RAD51B: variants seen among roughly 807,000 people sequenced by gnomAD.
RAD51B encodes the protein RAD51 paralog B.
In RAD51B, 38 loss-of-function variants were observed where a neutral mutation model predicts 42.2. That is an observed-to-expected ratio of 0.90 (90% CI 0.70 to 1.18). The LOEUF (loss-of-function observed/expected upper bound fraction) is 1.18. Among genes scored for constraint, RAD51B ranks in the 50% most tolerant of loss-of-function variants. The probability of loss-of-function intolerance (pLI) is 0.00; values close to 1 mark genes in which losing one functional copy is unlikely to be tolerated. For synonymous variants in RAD51B, 154 were observed against 145.2 expected (o/e 1.06, Z -0.43); for missense variants, 373 against 400.7 (o/e 0.93, Z 0.59).
chr14:68,126,365 TCAG>T (rs2077760139), intron 7 of RAD51B, among the ~76,000 whole-genome samples: 1 of 152,210 alleles, frequency 6.6e-6, no homozygotes, highest in Non-Finnish European at 1.5e-5. Context: ...AGTCTCATAC[TCAG>T]CAGTTACAAA....
chr14:68,649,901 C>T (rs1892665856), intron 10 of RAD51B, among the ~76,000 whole-genome samples: 1 of 152,100 alleles, frequency 6.6e-6, no homozygotes, highest in South Asian at 2.1e-4. Context: ...CTCAGGACAC[C>T]CTTTGAAATA....
intron 7 of RAD51B, among the ~76,000 whole-genome samples, chr14:68,179,547 A>C (rs1348751701): frequency 6.6e-6 from 1 of 152,130 alleles, no homozygotes; most frequent in African/African-American, 2.4e-5. Context: ...GTACTCCGTA[A>C]ATGTTTGGAA....
intron 7 of RAD51B, among the ~76,000 whole-genome samples, chr14:67,991,732 A>G (rs2075299722): frequency 6.6e-6 from 1 of 152,162 alleles, no homozygotes; most frequent in South Asian, 2.1e-4. Context: ...GGCTTAAATT[A>G]TTGGGTGATA....
downstream of RAD51B, chr14:68,478,124 C>T (rs1053557115): frequency 9.7e-7 from 1 of 1,032,658 alleles, no homozygotes; most frequent in African/African-American, 1.7e-5. Flanking sequence ...GAATTGGGGT[C>T]TCCAAATAGT....
chr14:68,126,764 G>T (rs1006798927), intron 7 of RAD51B, among the ~76,000 whole-genome samples: 2 of 152,130 alleles, frequency 1.3e-5, no homozygotes, highest in South Asian at 2.1e-4. Flanking sequence ...TTGAGTATTT[G>T]AAACATTTCC....
intron 10 of RAD51B, among the ~76,000 whole-genome samples, chr14:68,507,515 T>C (rs892482384): frequency 2.6e-5 from 4 of 152,162 alleles, no homozygotes; most frequent in Non-Finnish European, 1.5e-5. Context: ...TTGAGGAGTT[T>C]GACCCAACCC....
At chr14:68,615,473 G>A (rs564575470), downstream of RAD51B, among the ~76,000 whole-genome samples, 2 of 152,176 alleles carry the variant, frequency 1.3e-5, no homozygotes, top group East Asian at 3.9e-4. Context: ...AGCCTCCCGA[G>A]TAGCTGGGAC....
At chr14:68,298,057 G>T (rs1187862732) in intron 8 of RAD51B, among the ~76,000 whole-genome samples, 1 of 152,214 alleles carries the variant, frequency 6.6e-6, no homozygotes, top group East Asian at 1.9e-4. Context: ...GTATTCAGGA[G>T]TCCATAGCAC....
At chr14:68,134,294 G>T (rs567793676) in intron 7 of RAD51B, among the ~76,000 whole-genome samples, 5 of 151,984 alleles carry the variant, frequency 3.3e-5, no homozygotes, top group Non-Finnish European at 7.4e-5. Context: ...TATTTTTATT[G>T]CTGAGTAGTA....
At chr14:68,664,323 A>T (rs1234448108) in intron 11 of RAD51B, among the ~76,000 whole-genome samples, 1 of 152,164 alleles carries the variant, frequency 6.6e-6, no homozygotes, top group African/African-American at 2.4e-5. Flanking sequence ...CAAACTAAGA[A>T]AATGTGGCAC....
intron 7 of RAD51B, among the ~76,000 whole-genome samples, chr14:67,969,986 G>C (rs1787279313): frequency 6.6e-6 from 1 of 152,120 alleles, no homozygotes; most frequent in African/African-American, 2.4e-5. Flanking sequence ...TGAATGTTCA[G>C]ATATTTAAGA....
At chr14:67,952,062 T>C (rs2074462582) in intron 7 of RAD51B, among the ~76,000 whole-genome samples, 2 of 152,162 alleles carry the variant, frequency 1.3e-5, no homozygotes, top group African/African-American at 4.8e-5. Context: ...CAGTGAAGAT[T>C]AGTCACTTTT....
intron 10 of RAD51B, among the ~76,000 whole-genome samples, chr14:68,585,968 TCTG>T (rs1890446866): frequency 6.6e-6 from 1 of 152,146 alleles, no homozygotes; most frequent in Non-Finnish European, 1.5e-5. Flanking sequence ...CAACGGCTCA[TCTG>T]CTGCAGATCT....
At chr14:68,405,418 T>A (rs569997798) in intron 8 of RAD51B, among the ~76,000 whole-genome samples, 1 of 152,176 alleles carries the variant, frequency 6.6e-6, no homozygotes, top group Non-Finnish European at 1.5e-5. Flanking sequence ...CATTCCAGCC[T>A]GGGCAATAAG....
chr14:68,001,954 C>T (rs1157976349), intron 7 of RAD51B, among the ~76,000 whole-genome samples: 1 of 152,144 alleles, frequency 6.6e-6, no homozygotes, highest in Non-Finnish European at 1.5e-5. Flanking sequence ...CACTGATGGA[C>T]ATTTAGGTTG....
intron 7 of RAD51B, among the ~76,000 whole-genome samples, chr14:68,000,902 C>A (rs2075469474): frequency 6.6e-6 from 1 of 152,072 alleles, no homozygotes; most frequent in Admixed American, 6.5e-5. Context: ...ACCAAAGATC[C>A]TCTTGTGTTT....
intron 11 of RAD51B, among the ~76,000 whole-genome samples, chr14:68,673,980 AT>A (rs1223069522): frequency 1.3e-5 from 2 of 152,152 alleles, no homozygotes; most frequent in African/African-American, 2.4e-5. Flanking sequence ...ACACATACAC[AT>A]ACTGTACACA....
At chr14:68,486,278 A>G (rs1883614910) in intron 10 of RAD51B, among the ~76,000 whole-genome samples, 1 of 152,176 alleles carries the variant, frequency 6.6e-6, no homozygotes, top group South Asian at 2.1e-4. Flanking sequence ...TAGTTTTTCC[A>G]AACCTGCTAC....
intron 7 of RAD51B, among the ~76,000 whole-genome samples, chr14:67,959,527 A>G (rs1383211333): frequency 6.6e-6 from 1 of 152,098 alleles, no homozygotes; most frequent in Non-Finnish European, 1.5e-5. Flanking sequence ...GATTACAGGC[A>G]TGAGCCACCG....
Sources: gnomAD v4.1 joint callset for allele counts (sites outside exome capture counted in the v4.1 genomes callset) on GRCh38, gnomAD v4.1.1 for gene constraint, MANE v1.5 for transcripts, NCBI Gene and HGNC (gene_info 2026-07-23, HGNC 2026-07-21) for gene names.